Variants in DDX1 observed in about 807,000 individuals in gnomAD.
The protein encoded by DDX1 is ATP-dependent RNA helicase DDX1.
In DDX1, 28 loss-of-function variants were observed where a neutral mutation model predicts 108.7. That is an observed-to-expected ratio of 0.26 (90% CI 0.19 to 0.35). The LOEUF is 0.35. Among genes scored for constraint, DDX1 ranks in the 10% least tolerant of loss-of-function variants. The probability of loss-of-function intolerance (pLI) is 1.00; values close to 1 mark genes in which losing one functional copy is unlikely to be tolerated. For synonymous variants in DDX1, 295 were observed against 288.9 expected (o/e 1.02, Z -0.21); for missense variants, 710 against 884.5 (o/e 0.80, Z 2.50).
chr2:15,619,426 G>A (rs1292552202), intron 16 of DDX1, among the ~76,000 whole-genome samples: 1 of 152,090 alleles, frequency 6.6e-6, no homozygotes, highest in East Asian at 1.9e-4. Flanking sequence ...CCTTGGGGAT[G>A]CGGGGCACAG....
intron 14 of DDX1, among the ~76,000 whole-genome samples, chr2:15,615,592 G>A (rs1374365787): frequency 6.6e-6 from 1 of 152,188 alleles, no homozygotes; most frequent in Non-Finnish European, 1.5e-5. Context: ...CTTCAGAAAT[G>A]TCTGCTTTAT....
At chr2:15,613,808 C>G (rs947217114) in intron 14 of DDX1, among the ~76,000 whole-genome samples, 7 of 151,570 alleles carry the variant, frequency 4.6e-5, no homozygotes, top group Non-Finnish European at 1.0e-4. Flanking sequence ...GATCTGATCT[C>G]CACTGTTGGA....
chr2:15,601,250 CAT>C (rs914484937), intron 6 of DDX1, among the ~76,000 whole-genome samples: 5 of 152,126 alleles, frequency 3.3e-5, no homozygotes, highest in East Asian at 3.8e-4. Context: ...GTAACAGACA[CAT>C]GTTTGTTTAT....
chr2:15,628,498 T>C lies in DDX1; in HGVS notation c.1740T>C (p.Asp580=), dbSNP rs201261125. ...ICTDVAARGI[D]IHGVPYVINV... is the part of the protein sequence containing the mutation. ...CAGATGTAGCTGCTAGAGGAATTGA[T>C]ATCCACGGTGTTCCTTATGGTAAAA... Residue 580 remains aspartate, a synonymous_variant, in exon 21 of 26, where the codon GAT becomes GAC. Transcript: ENST00000233084. The C allele has an allele frequency of 7.4e-6, 12 of 1,613,294 alleles. No homozygotes were observed. In the East Asian group the frequency reaches 2.7e-4, roughly 36 times the overall value.
rs746176610 is a variant in DDX1, at chr2:15,607,217, C to T, written c.860C>T (p.Pro287Leu). Residue 287 changes from proline to leucine, a missense_variant, in exon 13 of 26, where the codon CCG becomes CTG. Pro to Leu is a moderately conservative substitution (Grantham distance 98). This residue lies in a region of DDX1 where 661 missense variants were observed against 810.2 expected (regional missense o/e 0.82). Transcript: ENST00000233084. The stretch of plus-strand genomic sequence containing the variant: ...CAAACAAAGTTTCTCCCCAATGCTC[C>T]GAAAGCTCTCATTGTTGAACCTTCC... ...VTQTKFLPNA[P>L]KALIVEPSRE... 40 of 1,613,778 alleles carry T rather than the reference C, an allele frequency of 2.5e-5. No homozygotes were observed. In the Admixed American group the frequency reaches 5.0e-4, roughly 20 times the overall value.
intron 18 of DDX1, among the ~76,000 whole-genome samples, chr2:15,622,248 A>G (rs1666024365): frequency 6.6e-6 from 1 of 152,230 alleles, no homozygotes; most frequent in Non-Finnish European, 1.5e-5. Flanking sequence ...TTGTTGTACA[A>G]TCATCACCAC....
In DDX1 at chr2:15,614,694, C is replaced by G. The variant is rs558976572; in HGVS notation, c.1017+1410C>G. Among the ~76,000 whole-genome samples the G allele has an allele frequency of 3.3e-5, 5 of 152,310 alleles. No homozygotes were observed. The East Asian group carries it at 9.6e-4, about 29-fold the overall frequency. On this transcript the variant is annotated intron_variant, in intron 14 of 25. Coordinates refer to ENST00000233084, the MANE Select transcript of DDX1 (RefSeq NM_004939.3). ...CTCACTAGTTGCTGCTGGCACTATG[C>G]TCTTGAACTTCCCCAAACCTCCAGA...
chr2:15,603,130 C>T (rs1665612229), intron 7 of DDX1, 62 bp from the exon 8 acceptor site: 1 of 1,150,670 alleles, frequency 8.7e-7, no homozygotes. Flanking sequence ...GGGAAGATGA[C>T]TTCATGGTAA....
chr2:15,612,547 C>T (rs373923013), intron 13 of DDX1, among the ~76,000 whole-genome samples: 33,817 of 147,828 alleles, frequency 0.23, 4,306 homozygotes, highest in African/African-American at 0.4. Context: ...AGAGGGGCTC[C>T]TCACGTCCCA....
chr2:15,604,136 C>G (rs1294745424), intron 9 of DDX1, among the ~76,000 whole-genome samples: 5 of 152,162 alleles, frequency 3.3e-5, no homozygotes, highest in African/African-American at 7.2e-5. Context: ...GTTGTCTTCT[C>G]TTTTCACCTC....
At chr2:15,592,163 C>A (rs1665424667) in intron 1 of DDX1, among the ~76,000 whole-genome samples, 1 of 152,240 alleles carries the variant, frequency 6.6e-6, no homozygotes, top group Admixed American at 6.5e-5. Flanking sequence ...CGGGCCGGAA[C>A]GTCCCTCCCC....
chr2:15,606,126 A>G (rs1665656973), intron 11 of DDX1, 24 bp from the exon 12 acceptor site: 3 of 1,598,994 alleles, frequency 1.9e-6, no homozygotes, highest in East Asian at 4.5e-5. Context: ...AGGAATTTTA[A>G]TTTTCTGTTT....
intron 16 of DDX1, among the ~76,000 whole-genome samples, chr2:15,618,662 C>T (rs921592568): frequency 2.0e-5 from 3 of 152,352 alleles, no homozygotes; most frequent in African/African-American, 4.8e-5. Flanking sequence ...GGGGCTTCAC[C>T]GGGGACTAGC....
chr2:15,618,051 C>G, intron 15 of DDX1, 130 bp from the exon 16 acceptor site: 1 of 473,660 alleles, frequency 2.1e-6, no homozygotes, highest in Non-Finnish European at 3.9e-6. Flanking sequence ...AAATATAGGA[C>G]TATGTATATG....
intron 1 of DDX1, among the ~76,000 whole-genome samples, chr2:15,592,886 C>T (rs909157054): frequency 1.5e-5 from 2 of 131,118 alleles, no homozygotes; most frequent in Non-Finnish European, 3.1e-5. Context: ...TCCATATCTC[C>T]AGTCATGTAA....
chr2:15,591,878 C>G lies in DDX1; in HGVS notation c.-56C>G, dbSNP rs2277913. 1 of 1,465,110 alleles carries G rather than the reference C, an allele frequency of 6.8e-7. No homozygotes were observed. Among genetic ancestry groups the G allele is most frequent in the Non-Finnish European group, 9.0e-7 (1 of 1,106,420 alleles). The allele number at this position is 1,465,110 out of a possible 1,614,324, so 90.8% of individuals were successfully genotyped here. A position where few individuals can be genotyped will look rare whatever the true frequency, so the allele number is the denominator to read the frequency against. On this transcript the variant is annotated 5_prime_UTR_variant, in exon 1 of 26. Transcript: ENST00000233084. ...GAAGCGCGCGCCGCCACTGCCACGC[C>G]GTGTCAGTCGGGAGGGAGGGAGCGA...
In DDX1 at chr2:15,606,003, C is replaced by A. The variant is rs768639324; in HGVS notation, c.679C>A (p.Leu227Ile). The A allele has an allele frequency of 4.4e-6, 7 of 1,588,472 alleles. No individual in the cohort carries two copies. The African/African-American group carries it at 8.2e-5, about 19-fold the overall frequency. ...EIPPHMKNQA[L>I]FPACVLKNAE... ...ACCACCACATATGAAAAACCAAGCC[C>A]TCTTTCCTGCCTGTGTTTTGAAGGT... The change falls in exon 11 of 26, where the codon CTC becomes ATC. Residue 227 changes from leucine (L) to isoleucine (I), a missense_variant. Coordinates refer to ENST00000233084, the MANE Select transcript of DDX1 (RefSeq NM_004939.3).
chr2:15,616,060 TTTTG>T (rs919582099), intron 14 of DDX1, among the ~76,000 whole-genome samples: 18 of 82,980 alleles, frequency 2.2e-4, no homozygotes, highest in African/African-American at 8.6e-4. Context: ...GCCCGGCTAA[TTTTG>T]TGTGTGTGTG....
At chr2:15,593,366 A>G (rs1360703058) in intron 1 of DDX1, among the ~76,000 whole-genome samples, 1 of 152,216 alleles carries the variant, frequency 6.6e-6, no homozygotes, top group African/African-American at 2.4e-5. Flanking sequence ...TTTGGGAGTC[A>G]TACACAAATT....
Sources: gnomAD v4.1 joint callset for allele counts (sites outside exome capture counted in the v4.1 genomes callset) on GRCh38, gnomAD v4.1.1 for gene constraint, gnomAD v4.1.1 regional missense constraint, MANE v1.5 for transcripts, NCBI Gene and HGNC (gene_info 2026-07-23, HGNC 2026-07-21) for gene names.